AMPD1: variants seen among roughly 807,000 people sequenced by gnomAD.
AMPD1 encodes AMP deaminase 1.
A neutral mutation model predicts 82.9 loss-of-function variants in AMPD1; 74 were observed. The observed-to-expected ratio is 0.89, with a 90% CI of 0.74 to 1.08. The LOEUF (loss-of-function observed/expected upper bound fraction) is 1.08, where lower values mean the gene tolerates loss of function less well. Among genes scored for constraint, AMPD1 ranks in the 50% least tolerant of loss-of-function variants. The probability of loss-of-function intolerance (pLI) is 0.00; values close to 1 mark genes in which losing one functional copy is unlikely to be tolerated. For synonymous variants in AMPD1, 333 were observed against 320.5 expected, an observed-to-expected ratio of 1.04 and a Z score of -0.42; for missense variants, 881 against 924.5, an observed-to-expected ratio of 0.95 and a Z score of 0.61.
At chr1:114,676,553 A>G (rs925655864) in intron 10 of AMPD1, among the ~76,000 whole-genome samples, 5 of 152,220 alleles carry the variant, frequency 3.3e-5, no homozygotes. Context: ...AACCCAAGGT[A>G]ACACAGCTAA....
At chr1:114,694,479 T>C (rs1416060952) in intron 1 of AMPD1, among the ~76,000 whole-genome samples, 1 of 152,042 alleles carries the variant, frequency 6.6e-6, no homozygotes, top group Non-Finnish European at 1.5e-5. Flanking sequence ...AGAAAATAGA[T>C]TGAAAAGAAA....
At chr1:114,692,191 C>T (rs937048772) in intron 2 of AMPD1, among the ~76,000 whole-genome samples, 4 of 152,174 alleles carry the variant, frequency 2.6e-5, no homozygotes, top group African/African-American at 4.8e-5. Context: ...ATCATGCTTT[C>T]TTCTTAACAG....
chr1:114,691,020 G>C (rs1658500844), intron 2 of AMPD1, among the ~76,000 whole-genome samples: 1 of 152,182 alleles, frequency 6.6e-6, no homozygotes, highest in Non-Finnish European at 1.5e-5. Flanking sequence ...CATTGTCTGG[G>C]ACTGCACATT....
Position 114,675,629 on chromosome 1 carries a change from C to T in AMPD1, c.1580G>A (p.Ser527Asn), listed in dbSNP as rs762142318. Residue 527 changes from serine to asparagine, a missense_variant, in exon 12 of 16, where the codon AGT becomes AAT. By Grantham distance (46) the Ser-to-Asn change is conservative. This residue lies in a region of AMPD1 where 783 missense variants were observed against 786.4 expected (regional missense o/e 1.00). Transcript: ENST00000520113. The part of the protein sequence containing the change: ...KHSGHMFSSK[S>N]PKPQEWTLEK... ...CAATGTCCACTCCTGGGGCTTGGGA[C>T]TCTTGGAGGAGAACATGTGGCCACT... 1.2e-6 allele frequency: 2 copies of T among 1,614,186 alleles called. No homozygotes were observed. The highest frequency in any genetic ancestry group is 1.1e-5 in the South Asian group (1 of 91,078).
chr1:114,682,295 G>A (rs1227900150), intron 5 of AMPD1, among the ~76,000 whole-genome samples: 3 of 152,202 alleles, frequency 2.0e-5, no homozygotes, highest in Non-Finnish European at 2.9e-5. Flanking sequence ...GTGAAACAGC[G>A]TGTTACTACA....
intron 4 of AMPD1, among the ~76,000 whole-genome samples, chr1:114,686,499 C>A (rs1658320645): frequency 6.6e-6 from 1 of 152,182 alleles, no homozygotes; most frequent in South Asian, 2.1e-4. Context: ...AACATACACA[C>A]TGCATTCTAC....
chr1:114,687,031 T>C (rs1345777673), intron 3 of AMPD1, 121 bp from the exon 4 acceptor site: 2 of 1,090,826 alleles, frequency 1.8e-6, no homozygotes, highest in African/African-American at 3.1e-5. Context: ...TAAAATGTGG[T>C]TGGGTATCAG....
rs1198484834 is a variant in AMPD1, at chr1:114,673,269, T to TATAGGAGAAAG, written c.2088_2089insCTTTCTCCTAT (p.Lys697LeufsTer6). 2 of 1,613,962 alleles carry TATAGGAGAAAG rather than the reference T, an allele frequency of 1.2e-6. No homozygotes were observed. The highest frequency in any genetic ancestry group is 2.7e-5 in the African/African-American group (2 of 74,930). Reference sequence around the variant, plus strand: ...TAATTGTCGCCCAGAAACTTTACTTTCTCCTATAAGAGAAAAGGATGGCAG... The same window carrying TATAGGAGAAAG: ...TAATTGTCGCCCAGAAACTTTACTTTATAGGAGAAAGCTCCTATAAGAGAAAAGGATGGCAG... On this transcript the variant is annotated frameshift_variant, in exon 16 of 16. Coordinates refer to ENST00000520113, the MANE Select transcript of AMPD1 (RefSeq NM_000036.3). LOFTEE classifies it high-confidence loss of function.
At position 114,677,473 on chromosome 1, in the gene AMPD1, A is replaced by G. The variant is rs1273595956; in HGVS notation, c.1266T>C (p.Ala422=). The change falls in exon 10 of 16, where the codon GCT becomes GCC. Residue 422 remains alanine, a synonymous_variant. Coordinates refer to ENST00000520113, the MANE Select transcript of AMPD1 (RefSeq NM_000036.3). ...ADLVEAKYQH[A]EPRLSIYGRS... ...GGCCATAGATGGACAGGCGGGGCTC[A>G]GCATGCTGGTACTTGGCCTCCACCA... 1 of 1,613,388 alleles carries G rather than the reference A, an allele frequency of 6.2e-7. No homozygotes were observed. The highest frequency in any genetic ancestry group is 1.7e-5 in the Admixed American group (1 of 59,918).
intron 1 of AMPD1, among the ~76,000 whole-genome samples, chr1:114,693,664 T>C (rs1402010724): frequency 1.3e-5 from 2 of 152,220 alleles, no homozygotes; most frequent in Non-Finnish European, 2.9e-5. Flanking sequence ...CTCTTAACAT[T>C]TATAAGTATA....
At chr1:114,687,064 GA>G (rs1658343031) in intron 3 of AMPD1, 154 bp from the exon 4 acceptor site, 1 of 795,324 alleles carries the variant, frequency 1.3e-6, no homozygotes, top group Non-Finnish European at 2.1e-6. Context: ...AGCATAGTGG[GA>G]GGAGAAATCA....
chr1:114,675,513 A>G lies in AMPD1; in HGVS notation c.1679+17T>C. 6.2e-7 allele frequency: 1 copy of G among 1,613,412 alleles called. No homozygotes were observed. The highest frequency in any genetic ancestry group is 8.5e-7 in the Non-Finnish European group (1 of 1,179,388). On this transcript the variant is annotated intron_variant, in intron 12 of 15. Transcript: ENST00000520113. ...GTGTCAAATAGACCCTCCTAGCTCC[A>G]GCTGTCTCCTACTTACTTTCTCAGG...
At chr1:114,683,694 GC>G (rs1215174239) in intron 5 of AMPD1, among the ~76,000 whole-genome samples, 1 of 152,158 alleles carries the variant, frequency 6.6e-6, no homozygotes, top group African/African-American at 2.4e-5. Flanking sequence ...CCGAGAGGGT[GC>G]CGCTGCACTC....
intron 3 of AMPD1, among the ~76,000 whole-genome samples, chr1:114,688,034 G>T (rs1658370680): frequency 6.6e-6 from 1 of 152,162 alleles, no homozygotes; most frequent in South Asian, 2.1e-4. Context: ...TCAATCAAGG[G>T]AGATATGGAC....
intron 9 of AMPD1, 44 bp from the exon 10 acceptor site, chr1:114,677,558 T>A: frequency 6.2e-7 from 1 of 1,612,718 alleles, no homozygotes; most frequent in South Asian, 1.1e-5. Context: ...TTCCCACAAG[T>A]TCCTCTGGGG....
chr1:114,680,568 A>G lies in AMPD1; in HGVS notation c.548-90T>C. ...AAAATGTGAAATACTACAACATCTC[A>G]TTAGCTTGGAATCCGGTACTTAAGT... On this transcript the variant is annotated intron_variant, in intron 5 of 15. Coordinates refer to ENST00000520113, the MANE Select transcript of AMPD1 (RefSeq NM_000036.3). 9 of 1,052,304 alleles carry G rather than the reference A, an allele frequency of 8.6e-6. No homozygotes were observed. The South Asian group carries it at 1.2e-4, about 14-fold the overall frequency. The allele number at this position is 1,052,304 out of a possible 1,614,324, so 65.2% of individuals were successfully genotyped here. A position where few individuals can be genotyped will look rare whatever the true frequency, so the allele number is the denominator to read the frequency against.
At chr1:114,680,795 C>G (rs562391273) in intron 5 of AMPD1, among the ~76,000 whole-genome samples, 2 of 152,016 alleles carry the variant, frequency 1.3e-5, no homozygotes, top group African/African-American at 4.8e-5. Flanking sequence ...GGTGAAACCC[C>G]GTCTCTACTA....
chr1:114,689,773 C>T (rs781528128), intron 2 of AMPD1, among the ~76,000 whole-genome samples: 7 of 152,126 alleles, frequency 4.6e-5, no homozygotes, highest in Non-Finnish European at 7.4e-5. Flanking sequence ...GTTGAGACTG[C>T]ACCACTGCCC....
intron 10 of AMPD1, 37 bp from the exon 11 acceptor site, chr1:114,676,040 A>G: frequency 1.9e-6 from 3 of 1,610,912 alleles, no homozygotes; most frequent in South Asian, 1.1e-5. Context: ...GGAGAAAAAA[A>G]GATTTTTAGG....
Sources: gnomAD v4.1 joint callset for allele counts (sites outside exome capture counted in the v4.1 genomes callset) on GRCh38, gnomAD v4.1.1 for gene constraint, gnomAD v4.1.1 regional missense constraint, MANE v1.5 for transcripts, NCBI Gene and HGNC (gene_info 2026-07-23, HGNC 2026-07-21) for gene names.